The following CDH18 variants were observed in gnomAD, a reference collection of about 807,000 sequenced individuals.
The protein encoded by CDH18 is cadherin-18.
In CDH18, 31 loss-of-function variants were observed where a neutral mutation model predicts 67.9. The observed-to-expected ratio is 0.46, with a 90% CI of 0.34 to 0.62. The LOEUF is 0.62. Ranked by LOEUF, CDH18 falls within the 20% of genes least tolerant of loss-of-function variation. CDH18 has a pLI of 0.01. For missense variants in CDH18, 890 were observed against 975.5 expected (o/e 0.91, Z 1.17); for synonymous variants, 362 against 347.2 (o/e 1.04, Z -0.48).
chr5:20,042,680 T>A (rs1317580540), intron 2 of CDH18, among the ~76,000 whole-genome samples: 2 of 152,162 alleles, frequency 1.3e-5, no homozygotes, highest in Admixed American at 6.5e-5. Flanking sequence ...AAACATTTTA[T>A]GGGCCGGGTG....
chr5:19,555,237 C>G (rs1300461774), intron 8 of CDH18, among the ~76,000 whole-genome samples: 2 of 152,124 alleles, frequency 1.3e-5, no homozygotes, highest in African/African-American at 4.8e-5. Context: ...CCAAGAACTA[C>G]CACAGGAACA....
At chr5:20,481,996 T>C (rs1434224425) in intron 1 of CDH18, among the ~76,000 whole-genome samples, 3 of 150,366 alleles carry the variant, frequency 2.0e-5, no homozygotes, top group Admixed American at 1.3e-4. Context: ...ATATAAAAGA[T>C]CAATAAAACA....
chr5:19,896,018 A>G (rs1390829665), intron 2 of CDH18, among the ~76,000 whole-genome samples: 3 of 9,362 alleles, frequency 3.2e-4, no homozygotes, highest in Non-Finnish European at 2.8e-3. Context: ...TTATTTGGGG[A>G]AAAAAAAATG....
At chr5:19,841,929 A>C (rs1183587913) in intron 2 of CDH18, among the ~76,000 whole-genome samples, 1 of 152,230 alleles carries the variant, frequency 6.6e-6, no homozygotes, top group Non-Finnish European at 1.5e-5. Flanking sequence ...ATGGAATAAA[A>C]GAACAAATGT....
rs3805427 is a variant in CDH18 at position 19,504,772 on chromosome 5, C to T, written c.1513-1663G>A. Among the ~76,000 whole-genome samples, 18 of 152,134 alleles carry T rather than the reference C, an allele frequency of 1.2e-4. 1 individual carries two copies. In the East Asian group the frequency reaches 3.3e-3, roughly 28 times the overall value. On this transcript the variant is annotated intron_variant, in intron 10 of 12. Coordinates refer to ENST00000382275, the MANE Select transcript of CDH18 (RefSeq NM_004934.5). Reference sequence around the variant, plus strand: ...ATTTTAGTGATTCTCCAGTGTGTGACCCTATTTTCTCCATCATACCTCATA... The same window carrying T: ...ATTTTAGTGATTCTCCAGTGTGTGATCCTATTTTCTCCATCATACCTCATA...
At chr5:20,452,850 A>C (rs1750557355) in intron 1 of CDH18, among the ~76,000 whole-genome samples, 1 of 152,194 alleles carries the variant, frequency 6.6e-6, no homozygotes, top group African/African-American at 2.4e-5. Context: ...ATTATAGACA[A>C]TGTATATGTA....
chr5:20,289,993 A>T (rs1038534694), intron 1 of CDH18, among the ~76,000 whole-genome samples: 1 of 152,150 alleles, frequency 6.6e-6, no homozygotes, highest in African/African-American at 2.4e-5. Context: ...TAAATCTGGA[A>T]TTTGAAAAAT....
chr5:20,180,624 T>C (rs1737610653), intron 2 of CDH18, among the ~76,000 whole-genome samples: 1 of 152,158 alleles, frequency 6.6e-6, no homozygotes, highest in Non-Finnish European at 1.5e-5. Context: ...CCATCTTACC[T>C]CATAATCAAA....
In CDH18 at chr5:20,304,768, G is replaced by C. The variant is rs185929580; in HGVS notation, c.-579-49263C>G. On this transcript the variant is annotated intron_variant, in intron 1 of 14. Transcript: ENST00000507958. The stretch of plus-strand genomic sequence containing the variant: ...AAACGCTGACTCTTGCTGTAATTTT[G>C]TTGAGCCAACAAGGGAAGGAGACCG... 5.7e-5 allele frequency: 92 copies of C among 1,610,936 alleles called. No homozygotes were observed. In the African/African-American group the frequency reaches 1.0e-3, roughly 18 times the overall value.
At chr5:20,170,808 T>C (rs1203309984) in intron 2 of CDH18, among the ~76,000 whole-genome samples, 1 of 152,054 alleles carries the variant, frequency 6.6e-6, no homozygotes, top group East Asian at 1.9e-4. Context: ...ACCCAGATAC[T>C]AAGCCTTGTA....
chr5:19,612,555 T>C lies in CDH18; in HGVS notation c.690A>G (p.Glu230=). Residue 230 remains glutamate, a synonymous_variant, in exon 6 of 13, where the codon GAA becomes GAG. Coordinates refer to ENST00000382275, the MANE Select transcript of CDH18 (RefSeq NM_004934.5). ...TGGCTTGAATGACTACGGAGTAATG[T>C]TCTCTGGCTTCTCTGTCCATGTTAT... ...ALHNMDREAR[E]HYSVVIQAKD... is the part of the protein sequence containing the mutation. The C allele has an allele frequency of 6.2e-7, 1 of 1,613,998 alleles. No homozygotes were observed. The highest frequency in any genetic ancestry group is 8.5e-7 in the Non-Finnish European group (1 of 1,179,904).
chr5:19,733,752 C>T (rs1300519839), intron 4 of CDH18, among the ~76,000 whole-genome samples: 1 of 152,184 alleles, frequency 6.6e-6, no homozygotes, highest in East Asian at 1.9e-4. Context: ...GCTAACACGC[C>T]TCTTTCCACT....
At chr5:19,549,729 GA>G (rs1737024150) in intron 8 of CDH18, among the ~76,000 whole-genome samples, 1 of 123,034 alleles carries the variant, frequency 8.1e-6, no homozygotes, top group South Asian at 2.5e-4. Context: ...AAGGAAGGAA[GA>G]AAGAGAAAGA....
At chr5:20,448,992 A>AATATATATATAT (rs34431118) in intron 1 of CDH18, among the ~76,000 whole-genome samples, 35 of 148,836 alleles carry the variant, frequency 2.4e-4, no homozygotes, top group African/African-American at 8.6e-4. Flanking sequence ...CTGTTGCATG[A>AATATATATATAT]ATATATATAT....
At chr5:19,706,522 T>C (rs1274087050) in intron 5 of CDH18, among the ~76,000 whole-genome samples, 3 of 152,188 alleles carry the variant, frequency 2.0e-5, no homozygotes, top group Admixed American at 2.0e-4. Flanking sequence ...CAAATGGACA[T>C]CACACATGTT....
At chr5:20,420,570 A>G (rs1361695024) in intron 1 of CDH18, among the ~76,000 whole-genome samples, 3 of 151,204 alleles carry the variant, frequency 2.0e-5, no homozygotes, top group Non-Finnish European at 4.4e-5. Context: ...CTAAGTTACA[A>G]CAGTTCCCCA....
At position 20,221,476 on chromosome 5, in the gene CDH18, G is replaced by A. The variant is rs759143023; in HGVS notation, c.-518+33968C>T. Among the ~76,000 whole-genome samples, 5 of 152,186 alleles carry A rather than the reference G, an allele frequency of 3.3e-5. No individual in the cohort carries two copies. In the South Asian group the frequency reaches 6.2e-4, roughly 19 times the overall value. On this transcript the variant is annotated intron_variant, in intron 2 of 14. Coordinates refer to the CDH18 transcript ENST00000507958. ...GTTATCAGAGGCTAGGAAGTGTAGCGCGGGGTTGGGGGAGTGGCGATGGTT... is the reference window on the plus strand; with the variant it reads ...GTTATCAGAGGCTAGGAAGTGTAGCACGGGGTTGGGGGAGTGGCGATGGTT...
At chr5:19,663,545 T>C (rs1270827290) in intron 5 of CDH18, among the ~76,000 whole-genome samples, 2 of 151,934 alleles carry the variant, frequency 1.3e-5, no homozygotes, top group Non-Finnish European at 2.9e-5. Flanking sequence ...AAGTGAAAGT[T>C]GGAGAAACCA....
At chr5:20,362,179 A>G (rs560450978) in intron 1 of CDH18, among the ~76,000 whole-genome samples, 3 of 152,204 alleles carry the variant, frequency 2.0e-5, no homozygotes, top group Non-Finnish European at 4.4e-5. Flanking sequence ...GTCTAGAGAC[A>G]TAATTCCCTC....
Sources: gnomAD v4.1 joint callset for allele counts (sites outside exome capture counted in the v4.1 genomes callset) on GRCh38, gnomAD v4.1.1 for gene constraint, MANE v1.5 for transcripts, NCBI Gene and HGNC (gene_info 2026-07-23, HGNC 2026-07-21) for gene names.